The following DLGAP1 variants were observed in gnomAD, a reference collection of about 807,000 sequenced individuals.
DLGAP1 encodes the protein disks large-associated protein 1.
DLGAP1 carries 11 observed loss-of-function variants against 90.8 expected under a neutral mutation model. That is an observed-to-expected ratio of 0.12 (90% CI 0.08 to 0.20). DLGAP1 has a LOEUF of 0.20. DLGAP1 is among the 10% of genes least tolerant of loss of function. The pLI is 1.00. For synonymous variants in DLGAP1, 558 were observed against 540.7 expected, an observed-to-expected ratio of 1.03 and a Z score of -0.44; for missense variants, 1,050 against 1,333.8, an observed-to-expected ratio of 0.79 and a Z score of 3.31.
At chr18:3,655,932 G>A (rs1266078663) in intron 7 of DLGAP1, 4 of 718,312 alleles carry the variant, frequency 5.6e-6, no homozygotes, top group Non-Finnish European at 6.7e-6. Flanking sequence ...AGCATAAAAT[G>A]ACCAGAACAA....
intron 2 of DLGAP1, among the ~76,000 whole-genome samples, chr18:4,098,136 C>A (rs973195607): frequency 6.6e-6 from 1 of 152,110 alleles, no homozygotes; most frequent in Non-Finnish European, 1.5e-5. Flanking sequence ...CTGGTCTCCA[C>A]CTCTTGGGCT....
chr18:4,348,230 TTAAA>T (rs1204179612), intron 1 of DLGAP1, among the ~76,000 whole-genome samples: 1 of 152,086 alleles, frequency 6.6e-6, no homozygotes, highest in Non-Finnish European at 1.5e-5. Context: ...AAGCAAATAA[TTAAA>T]TAAATTGATG....
chr18:4,062,060 C>A (rs1251863147), intron 2 of DLGAP1, among the ~76,000 whole-genome samples: 3 of 152,092 alleles, frequency 2.0e-5, no homozygotes, highest in African/African-American at 7.2e-5. Context: ...CCAAAGTAAT[C>A]CTTGTGTGAC....
At chr18:4,279,645 G>C (rs190030259) in intron 1 of DLGAP1, among the ~76,000 whole-genome samples, 13 of 152,092 alleles carry the variant, frequency 8.5e-5, no homozygotes, top group African/African-American at 2.4e-4. Context: ...TGTGTCTAAC[G>C]TATTGAATAT....
chr18:3,984,639 C>T (rs2073805212), intron 3 of DLGAP1, among the ~76,000 whole-genome samples: 1 of 152,084 alleles, frequency 6.6e-6, no homozygotes, highest in Non-Finnish European at 1.5e-5. Context: ...CCTTTCCTTG[C>T]CATTCCTTCA....
chr18:3,676,720 G>A (rs116064599), intron 7 of DLGAP1, among the ~76,000 whole-genome samples: 190 of 151,440 alleles, frequency 1.3e-3, no homozygotes, highest in African/African-American at 4.4e-3. Flanking sequence ...AAATTGTGAG[G>A]TCAGTATACA....
At chr18:4,219,027 G>GT (rs34333673) in intron 1 of DLGAP1, among the ~76,000 whole-genome samples, 4,806 of 91,846 alleles carry the variant, frequency 0.052, 110 homozygotes, top group Non-Finnish European at 0.056. Flanking sequence ...TTCTATCTTT[G>GT]TTTTTTTTTT....
intron 4 of DLGAP1, among the ~76,000 whole-genome samples, chr18:3,831,958 G>T (rs1363138164): frequency 1.3e-5 from 2 of 152,176 alleles, no homozygotes; most frequent in Non-Finnish European, 2.9e-5. Context: ...AATGAGAGGT[G>T]GTAATAGAGA....
chr18:3,754,591 A>G (rs1177336474), intron 5 of DLGAP1, among the ~76,000 whole-genome samples: 1 of 151,776 alleles, frequency 6.6e-6, no homozygotes, highest in Non-Finnish European at 1.5e-5. Context: ...CAACTATATT[A>G]TAAAAGAGGG....
chr18:4,301,572 C>G (rs76120281), intron 1 of DLGAP1, among the ~76,000 whole-genome samples: 3,361 of 152,302 alleles, frequency 0.022, 46 homozygotes, highest in East Asian at 0.037. Context: ...GATTCCATAA[C>G]TTGGCTGTTG....
intron 5 of DLGAP1, among the ~76,000 whole-genome samples, chr18:3,766,031 A>T (rs1034540870): frequency 2.0e-5 from 3 of 152,244 alleles, no homozygotes; most frequent in Non-Finnish European, 4.4e-5. Context: ...AATAGCCTAC[A>T]TACGTCAACT....
chr18:3,925,359 C>T (rs2072358981), intron 3 of DLGAP1, among the ~76,000 whole-genome samples: 1 of 151,160 alleles, frequency 6.6e-6, no homozygotes, highest in Non-Finnish European at 1.5e-5. Context: ...TTTTGCATTA[C>T]CCTCTACCAT....
At chr18:4,404,544 A>G (rs373018621) in intron 1 of DLGAP1, among the ~76,000 whole-genome samples, 4 of 152,362 alleles carry the variant, frequency 2.6e-5, no homozygotes, top group East Asian at 1.9e-4. Context: ...ACAATATTAC[A>G]TAAAGATGAA....
At chr18:4,091,457 C>T (rs1165300753) in intron 2 of DLGAP1, among the ~76,000 whole-genome samples, 4 of 152,156 alleles carry the variant, frequency 2.6e-5, no homozygotes, top group South Asian at 2.1e-4. Flanking sequence ...TCTTAAAATA[C>T]TTCTACCTTA....
At chr18:3,527,156 T>C (rs1348759533) in intron 10 of DLGAP1, among the ~76,000 whole-genome samples, 2 of 152,220 alleles carry the variant, frequency 1.3e-5, no homozygotes, top group South Asian at 2.1e-4. Flanking sequence ...ATGCTTGTTT[T>C]CGGTCTGCCT....
chr18:3,996,051 A>G (rs989069934), intron 3 of DLGAP1, among the ~76,000 whole-genome samples: 1 of 152,172 alleles, frequency 6.6e-6, no homozygotes, highest in Non-Finnish European at 1.5e-5. Context: ...CTAATTCAAT[A>G]CTTAACTTTT....
At chr18:4,411,416 G>A (rs2082774456) in intron 1 of DLGAP1, among the ~76,000 whole-genome samples, 1 of 152,152 alleles carries the variant, frequency 6.6e-6, no homozygotes, top group East Asian at 1.9e-4. Flanking sequence ...CATAATTACA[G>A]TAATGGGATC....
At chr18:3,618,622 C>T (rs2057970147) in intron 7 of DLGAP1, among the ~76,000 whole-genome samples, 1 of 3,444 alleles carries the variant, frequency 2.9e-4, no homozygotes, top group Non-Finnish European at 5.5e-4. Flanking sequence ...TTTTTCCCAA[C>T]CCTAACCCAA....
chr18:4,041,687 A>G (rs994759164), intron 2 of DLGAP1, among the ~76,000 whole-genome samples: 1 of 152,178 alleles, frequency 6.6e-6, no homozygotes, highest in Non-Finnish European at 1.5e-5. Context: ...TTGCCCCTGG[A>G]CCAGTAGCAA....
Sources: gnomAD v4.1 joint callset for allele counts (sites outside exome capture counted in the v4.1 genomes callset) on GRCh38, gnomAD v4.1.1 for gene constraint, MANE v1.5 for transcripts, NCBI Gene and HGNC (gene_info 2026-07-23, HGNC 2026-07-21) for gene names.